PTPN18: variants seen among roughly 807,000 people sequenced by gnomAD.
The protein encoded by PTPN18 is tyrosine-protein phosphatase non-receptor type 18.
Under a neutral mutation model 65.4 loss-of-function variants are expected in PTPN18, and 65 were observed. The observed-to-expected ratio is 0.99, with a 90% confidence interval of 0.81 to 1.22. The LOEUF is 1.22. Among genes scored for constraint, PTPN18 ranks in the 50% most tolerant of loss-of-function variants. PTPN18 has a pLI of 0.00. For missense variants in PTPN18, 616 were observed against 646.5 expected, an observed-to-expected ratio of 0.95 and a Z score of 0.51; for synonymous variants, 255 against 267.8, an observed-to-expected ratio of 0.95 and a Z score of 0.47.
At chr2:130,372,221 G>T (rs1436017434) in intron 12 of PTPN18, 36 bp from the exon 13 acceptor site, 1 of 1,548,266 alleles carries the variant, frequency 6.5e-7, no homozygotes, top group Admixed American at 1.8e-5. Flanking sequence ...GCCCAGCGCC[G>T]CCGTTTCACT....
intron 1 of PTPN18, among the ~76,000 whole-genome samples, chr2:130,357,510 A>G (rs951838451): frequency 6.6e-6 from 1 of 152,272 alleles, no homozygotes; most frequent in Non-Finnish European, 1.5e-5. Flanking sequence ...AACAAAGATT[A>G]TAATTTATAA....
At position 130,374,599 on chromosome 2, in the gene PTPN18, G is replaced by A. The variant is rs9967851; in HGVS notation, c.*1375G>A. 1.4e-3 allele frequency: 656 copies of A among 470,940 alleles called. 7 individuals carry two copies. The highest frequency in any genetic ancestry group is 0.011 in the African/African-American group (551 of 50,176). 29.2% of individuals were successfully genotyped at this position (470,940 alleles called of 1,614,324 possible). ...GGTGTGGACAAATCTCCAAGTCACT[G>A]CAAAATGGAAAAAGTATAAGATGCT... On this transcript the variant is annotated 3_prime_UTR_variant, in exon 15 of 15. Transcript: ENST00000175756.
chr2:130,372,224 GT>G, intron 12 of PTPN18, 32 bp from the exon 13 acceptor site: 1 of 1,555,444 alleles, frequency 6.4e-7, no homozygotes, highest in Non-Finnish European at 8.6e-7. Flanking sequence ...CAGCGCCGCC[GT>G]TTCACTTCCT....
In PTPN18 at chr2:130,356,119, C is replaced by T; in HGVS notation, c.12C>T (p.Ser4=). MSR[S]LDSARSFLER... The stretch of plus-strand genomic sequence containing the variant: ...TGGCCCGCGGCGCCATGAGCCGCAG[C>T]CTGGACTCGGCGCGGAGCTTCCTGG... The change falls in exon 1 of 15, where the codon AGC becomes AGT. Residue 4 remains serine (S), a synonymous_variant. Coordinates refer to ENST00000175756, the MANE Select transcript of PTPN18 (RefSeq NM_014369.4). 2.3e-6 allele frequency: 3 copies of T among 1,308,770 alleles called. No individual in the cohort carries two copies. The highest frequency in any genetic ancestry group is 2.9e-6 in the Non-Finnish European group (3 of 1,032,714). The allele number at this position is 1,308,770 out of a possible 1,614,324, so 81.1% of individuals were successfully genotyped here.
chr2:130,359,886 A>G lies in PTPN18; in HGVS notation c.414+240A>G, dbSNP rs1280498717. ...TTCACACCTTAGACCATAAGGCCCTATTCTGACTGCTTCCCCTGTAGGCTC... is the reference window on the plus strand; with the variant it reads ...TTCACACCTTAGACCATAAGGCCCTGTTCTGACTGCTTCCCCTGTAGGCTC... On this transcript the variant is annotated intron_variant, in intron 5 of 14. Transcript: ENST00000175756. 3 of 568,320 alleles carry G rather than the reference A, an allele frequency of 5.3e-6. No homozygotes were observed. In the South Asian group the frequency reaches 6.2e-5, roughly 12 times the overall value. 35.2% of individuals were successfully genotyped at this position (568,320 alleles called of 1,614,324 possible).
chr2:130,356,751 C>T, intron 1 of PTPN18: 1 of 408,532 alleles, frequency 2.4e-6, no homozygotes, highest in South Asian at 1.8e-5. Flanking sequence ...AGGCGGTCTA[C>T]CTGGCCCCTC....
chr2:130,375,045 A>C lies in PTPN18; in HGVS notation c.*1821A>C. The C allele has an allele frequency of 1.5e-5, 3 of 198,320 alleles. No homozygotes were observed. Among genetic ancestry groups the C allele is most frequent in the South Asian group, 8.1e-5 (1 of 12,278 alleles). The allele number at this position is 198,320 out of a possible 1,614,324, so 12.3% of individuals were successfully genotyped here. On this transcript the variant is annotated 3_prime_UTR_variant, in exon 15 of 15. Transcript: ENST00000175756. The stretch of plus-strand genomic sequence containing the variant: ...TCCTGTTCTCTGTGCCCCTACTCCC[A>C]CTCTAGAGCTGCCCCGTTTCTCTGT...
chr2:130,368,091 G>A (rs1041004629), intron 5 of PTPN18, among the ~76,000 whole-genome samples: 3 of 150,466 alleles, frequency 2.0e-5, no homozygotes, highest in African/African-American at 4.9e-5. Flanking sequence ...GTTATTTTTT[G>A]TATCTTTCAT....
chr2:130,370,994 C>T, intron 11 of PTPN18, 30 bp downstream of exon 11: 1 of 1,598,790 alleles, frequency 6.3e-7, no homozygotes, highest in Middle Eastern at 1.7e-4. Flanking sequence ...ACTCTCCTGT[C>T]CACCATCAGC....
At chr2:130,363,868 A>G (rs2104938112) in intron 5 of PTPN18, among the ~76,000 whole-genome samples, 1 of 151,720 alleles carries the variant, frequency 6.6e-6, no homozygotes, top group East Asian at 1.9e-4. Flanking sequence ...ACTGTTTTCC[A>G]CAGTGGCAGC....
chr2:130,356,506 G>A, intron 1 of PTPN18: 2 of 526,640 alleles, frequency 3.8e-6, no homozygotes, highest in Non-Finnish European at 7.4e-6. Flanking sequence ...GGACAGGTGG[G>A]GCGGGCGCCG....
At chr2:130,359,002 G>C (rs753605520) in intron 2 of PTPN18, 27 bp downstream of exon 2, 2 of 1,608,738 alleles carry the variant, frequency 1.2e-6, no homozygotes, top group Admixed American at 1.7e-5. Flanking sequence ...GTAGGGAGTC[G>C]GTGCAGCCTT....
chr2:130,372,362 G>T lies in PTPN18; in HGVS notation c.1119G>T (p.Gly373=). The T allele has an allele frequency of 7.8e-7, 1 of 1,287,580 alleles. No individual in the cohort carries two copies. Among genetic ancestry groups the T allele is most frequent in the Non-Finnish European group, 9.6e-7 (1 of 1,036,460 alleles). The allele number at this position is 1,287,580 out of a possible 1,614,324, so 79.8% of individuals were successfully genotyped here. A position where few individuals can be genotyped will look rare whatever the true frequency, so the allele number is the denominator to read the frequency against. The change falls in exon 13 of 15, where the codon GGG becomes GGT. Residue 373 remains glycine, a synonymous_variant. Transcript: ENST00000175756. ...GCGCCGGGAGTGGGACGCAGACGGG[G>T]ACGGGGACGGGGACGGGGGCGCGCA... is the stretch of plus-strand genomic sequence containing the variant. ...PAGAGSGTQT[G]TGTGTGARSA... is the part of the protein sequence containing the mutation.
chr2:130,362,893 C>T (rs552903857), intron 5 of PTPN18, among the ~76,000 whole-genome samples: 2 of 152,032 alleles, frequency 1.3e-5, no homozygotes, highest in South Asian at 2.1e-4. Context: ...GATCTCAGCT[C>T]GCTGCAACCT....
intron 5 of PTPN18, among the ~76,000 whole-genome samples, chr2:130,361,505 T>C (rs965338421): frequency 2.2e-5 from 3 of 134,028 alleles, no homozygotes; most frequent in African/African-American, 9.7e-5. Context: ...ATTTCTTTCT[T>C]TTCTTTCTCT....
At position 130,370,542 on chromosome 2, in the gene PTPN18, T is replaced by C; in HGVS notation, c.690-15T>C. 1.2e-6 allele frequency: 2 copies of C among 1,614,110 alleles called. No individual in the cohort carries two copies. Among genetic ancestry groups the C allele is most frequent in the Non-Finnish European group, 1.7e-6 (2 of 1,180,028 alleles). ...GGTCAGGACCTGACCAGGCACACTC[T>C]GATTCTCTTGTCAGTGCGGGTTGTG... On this transcript the variant is annotated splice_polypyrimidine_tract_variant and intron_variant, in intron 8 of 14. Coordinates refer to ENST00000175756, the MANE Select transcript of PTPN18 (RefSeq NM_014369.4).
At chr2:130,367,707 C>G (rs1680431556) in intron 5 of PTPN18, among the ~76,000 whole-genome samples, 1 of 151,958 alleles carries the variant, frequency 6.6e-6, no homozygotes, top group Admixed American at 6.6e-5. Context: ...CATTCTTTTT[C>G]AGTAATTTGA....
At chr2:130,366,614 A>G (rs939434706) in intron 5 of PTPN18, among the ~76,000 whole-genome samples, 1 of 152,316 alleles carries the variant, frequency 6.6e-6, no homozygotes, top group East Asian at 1.9e-4. Flanking sequence ...GCCTCATACA[A>G]TATGTTGGGA....
rs1374588062 is a variant in PTPN18 at position 130,374,337 on chromosome 2, T to G, written c.*1113T>G. On this transcript the variant is annotated 3_prime_UTR_variant, in exon 15 of 15. Transcript: ENST00000175756. Reference sequence around the variant, plus strand: ...GAGTAGCTGGGACTACAGGTCTAATTTTTTTTTTTTTTAAGAAATGAGTTT... The same window carrying G: ...GAGTAGCTGGGACTACAGGTCTAATGTTTTTTTTTTTTAAGAAATGAGTTT... 1 of 218,640 alleles carries G rather than the reference T, an allele frequency of 4.6e-6. No homozygotes were observed. The highest frequency in any genetic ancestry group is 9.4e-6 in the Non-Finnish European group (1 of 106,438). 13.5% of individuals were successfully genotyped at this position (218,640 alleles called of 1,614,324 possible).
Sources: allele counts gnomAD v4.1 joint callset (sites outside exome capture counted in the v4.1 genomes callset), GRCh38; gene constraint gnomAD v4.1.1; transcripts MANE v1.5; gene names NCBI Gene and HGNC (gene_info 2026-07-23, HGNC 2026-07-21).